The following ATP2C1 variants were observed in gnomAD, a reference collection of about 807,000 sequenced individuals.
ATP2C1 encodes the protein ATPase secretory pathway Ca2+ transporting 1.
A neutral mutation model predicts 120.5 loss-of-function variants in ATP2C1; 31 were observed. That is an observed-to-expected ratio of 0.26 (90% CI 0.19 to 0.35). The LOEUF is 0.35. ATP2C1 is among the 10% of genes least tolerant of loss of function. ATP2C1 has a pLI of 1.00. For missense variants in ATP2C1, 731 were observed against 1,107.5 expected, an observed-to-expected ratio of 0.66 and a Z score of 4.83; for synonymous variants, 351 against 358.7, an observed-to-expected ratio of 0.98 and a Z score of 0.24.
chr3:130,990,394 G>C (rs891433935), intron 20 of ATP2C1, among the ~76,000 whole-genome samples: 3 of 151,620 alleles, frequency 2.0e-5, no homozygotes, highest in Non-Finnish European at 4.4e-5. Context: ...AGGGACCCAT[G>C]TTATATCCGA....
intron 8 of ATP2C1, among the ~76,000 whole-genome samples, chr3:130,948,456 G>T (rs1157051448): frequency 6.6e-6 from 1 of 151,992 alleles, no homozygotes; most frequent in African/African-American, 2.4e-5. Context: ...TGTTTCTGTG[G>T]CTGTTTTCAA....
In ATP2C1 at chr3:130,988,679, C is replaced by T. The variant is rs372234316; in HGVS notation, c.1840-4272C>T. 7.9e-5 allele frequency among the ~76,000 whole-genome samples: 12 copies of T among 152,174 alleles called. No individual in the cohort carries two copies. The South Asian group carries it at 1.7e-3, about 21-fold the overall frequency. On this transcript the variant is annotated intron_variant, in intron 20 of 27. Coordinates refer to ENST00000510168, the MANE Select transcript of ATP2C1 (RefSeq NM_001378687.1). ...AAAGATTTATGGGGATCATGTCTCT[C>T]GGAGAAATGAGGCAGAATAGGGAAT...
At chr3:130,944,499 A>G (rs764771279) in intron 8 of ATP2C1, among the ~76,000 whole-genome samples, 23 of 152,092 alleles carry the variant, frequency 1.5e-4, no homozygotes, top group Non-Finnish European at 2.6e-4. Context: ...GGAGACAGCA[A>G]TTTCTCTCTC....
At chr3:130,977,599 T>C (rs1309249998) in intron 18 of ATP2C1, among the ~76,000 whole-genome samples, 1 of 152,210 alleles carries the variant, frequency 6.6e-6, no homozygotes, top group African/African-American at 2.4e-5. Context: ...TCCTACCTCA[T>C]TATATTGACT....
chr3:131,005,530 A>T (rs1280907002), downstream of ATP2C1, among the ~76,000 whole-genome samples: 4 of 152,232 alleles, frequency 2.6e-5, no homozygotes, highest in African/African-American at 9.6e-5. Flanking sequence ...TAGCAGAAGA[A>T]CCTAAGCTAA....
At chr3:130,854,549 C>T (rs7633588) in intron 1 of ATP2C1, among the ~76,000 whole-genome samples, 9,988 of 152,256 alleles carry the variant, frequency 0.066, 1,089 homozygotes, top group African/African-American at 0.23. Flanking sequence ...GCAGCCTGAT[C>T]TGTGGCTCAG....
At chr3:130,934,515 T>C (rs1367841037) in intron 4 of ATP2C1, 107 bp from the exon 5 acceptor site, 2 of 741,098 alleles carry the variant, frequency 2.7e-6, no homozygotes, top group Middle Eastern at 2.7e-4. Context: ...GTATAGACTT[T>C]TGTAATTTTC....
intron 8 of ATP2C1, among the ~76,000 whole-genome samples, chr3:130,945,562 G>A (rs890608786): frequency 1.6e-5 from 2 of 127,652 alleles, no homozygotes; most frequent in Non-Finnish European, 3.1e-5. Context: ...TTCCAACCCC[G>A]TGTCCAAGTG....
intron 1 of ATP2C1, among the ~76,000 whole-genome samples, chr3:130,888,175 A>C (rs973748132): frequency 2.0e-5 from 3 of 152,164 alleles, no homozygotes; most frequent in Non-Finnish European, 4.4e-5. Flanking sequence ...CCAGTGCCAT[A>C]TCCTACTGTG....
At chr3:130,875,411 C>T (rs890573660) in intron 1 of ATP2C1, among the ~76,000 whole-genome samples, 1 of 152,180 alleles carries the variant, frequency 6.6e-6, no homozygotes, top group Non-Finnish European at 1.5e-5. Flanking sequence ...TTTCACTTAA[C>T]ATAACATCCT....
chr3:130,872,830 G>A (rs1243481313), intron 1 of ATP2C1, among the ~76,000 whole-genome samples: 1 of 152,002 alleles, frequency 6.6e-6, no homozygotes, highest in South Asian at 2.1e-4. Flanking sequence ...TGATCTACCT[G>A]CCTCGGCCTC....
intron 1 of ATP2C1, among the ~76,000 whole-genome samples, chr3:130,857,580 C>T (rs190964270): frequency 6.6e-6 from 1 of 152,344 alleles, no homozygotes; most frequent in East Asian, 1.9e-4. Context: ...GTAATCCACA[C>T]TACAGTCAGA....
chr3:130,941,223 A>T (rs76509913), intron 7 of ATP2C1, among the ~76,000 whole-genome samples: 7,372 of 144,424 alleles, frequency 0.051, 678 homozygotes, highest in African/African-American at 0.17. Flanking sequence ...TGTATTTAAC[A>T]GTGTGTGTGT....
chr3:130,959,117 A>G (rs2060705816), intron 11 of ATP2C1, among the ~76,000 whole-genome samples, 158 bp from the exon 12 acceptor site: 1 of 152,098 alleles, frequency 6.6e-6, no homozygotes, highest in African/African-American at 2.4e-5. Flanking sequence ...GTTAACTTTA[A>G]CCTCCCCTGT....
At position 130,894,090 on chromosome 3, in the gene ATP2C1, G is replaced by C. The variant is rs1406524912; in HGVS notation, c.-428G>C. 4 of 977,742 alleles carry C rather than the reference G, an allele frequency of 4.1e-6. No homozygotes were observed. Among genetic ancestry groups the C allele is most frequent in the African/African-American group, 3.5e-5 (2 of 57,044 alleles). The allele number at this position is 977,742 out of a possible 1,614,324, so 60.6% of individuals were successfully genotyped here. A position where few individuals can be genotyped will look rare whatever the true frequency, so the allele number is the denominator to read the frequency against. On this transcript the variant is annotated 5_prime_UTR_variant, in exon 1 of 28. Coordinates refer to ENST00000510168, the MANE Select transcript of ATP2C1 (RefSeq NM_001378687.1). The surrounding 1 kb of genome is among the most constrained non-coding windows in gnomAD (Gnocchi z 4.5). ...AGGAGTCGGAGGCGGGAGCAGACCA[G>C]CACGGCCTCGCGGAGCCGGCCCGGC...
At chr3:130,859,776 G>T (rs190986281) in intron 1 of ATP2C1, among the ~76,000 whole-genome samples, 1 of 152,108 alleles carries the variant, frequency 6.6e-6, no homozygotes, top group Non-Finnish European at 1.5e-5. Flanking sequence ...ACTGTGCTCT[G>T]GTGCCTTTGA....
At chr3:130,931,909 T>A in intron 3 of ATP2C1, 113 bp from the exon 4 acceptor site, 1 of 734,430 alleles carries the variant, frequency 1.4e-6, no homozygotes. Context: ...AATAGACTAG[T>A]TTTGACTGTT....
At chr3:130,913,771 CTT>C (rs1393487465) in intron 2 of ATP2C1, among the ~76,000 whole-genome samples, 1 of 152,114 alleles carries the variant, frequency 6.6e-6, no homozygotes, top group Non-Finnish European at 1.5e-5. Context: ...TACTTTGAAA[CTT>C]TTGGATGACC....
intron 2 of ATP2C1, among the ~76,000 whole-genome samples, chr3:130,910,360 G>A (rs1369431649): frequency 1.7e-4 from 25 of 145,778 alleles, no homozygotes; most frequent in African/African-American, 6.4e-4. Flanking sequence ...GAGACAATGG[G>A]GTTTTCTAGA....
Sources: allele counts gnomAD v4.1 joint callset (sites outside exome capture counted in the v4.1 genomes callset), GRCh38; gene constraint gnomAD v4.1.1; non-coding constraint Gnocchi (gnomAD v3.1); transcripts MANE v1.5; gene names NCBI Gene and HGNC (gene_info 2026-07-23, HGNC 2026-07-21).